The following TBC1D15 variants were observed in gnomAD, a reference collection of about 807,000 sequenced individuals.
The protein encoded by TBC1D15 is GAP for RAB7.
A neutral mutation model predicts 95.4 loss-of-function variants in TBC1D15; 39 were observed. The ratio of observed to expected loss-of-function variants is 0.41; its 90% confidence interval spans 0.32 to 0.53. The LOEUF is 0.53. TBC1D15 is among the 20% of genes least tolerant of loss of function. TBC1D15 has a pLI of 0.29. For synonymous variants in TBC1D15, 258 were observed against 261.3 expected (o/e 0.99, Z 0.12); for missense variants, 733 against 794.3 (o/e 0.92, Z 0.93).
At chr12:71,897,013 T>C (rs1252296508) in intron 9 of TBC1D15, among the ~76,000 whole-genome samples, 1 of 152,144 alleles carries the variant, frequency 6.6e-6, no homozygotes, top group South Asian at 2.1e-4. Context: ...GATAAACATA[T>C]TCCCTTATAT....
At chr12:71,881,810 G>A (rs909903343) in intron 4 of TBC1D15, among the ~76,000 whole-genome samples, 1 of 151,626 alleles carries the variant, frequency 6.6e-6, no homozygotes, top group Admixed American at 6.6e-5. Flanking sequence ...CCCAGCTACT[G>A]GGGAAGCCGA....
intron 9 of TBC1D15, 104 bp downstream of exon 9, chr12:71,896,884 G>T: frequency 1.4e-6 from 1 of 698,820 alleles, no homozygotes. Context: ...ACTGGGGAAT[G>T]GAAAAACAAC....
chr12:71,855,549 T>C (rs1049660798), intron 1 of TBC1D15, among the ~76,000 whole-genome samples: 3 of 151,326 alleles, frequency 2.0e-5, no homozygotes, highest in Non-Finnish European at 4.4e-5. Flanking sequence ...GTGCCTGTAG[T>C]CCCAGCTACT....
Position 71,923,407 on chromosome 12 carries a change from C to T in TBC1D15, c.*203C>T, listed in dbSNP as rs550119968. Reference sequence around the variant, plus strand: ...CTTCTACCAAATAGCCTTTCCTTTTCGATAACATTCCTCAGTATTTTTATA... The same window carrying T: ...CTTCTACCAAATAGCCTTTCCTTTTTGATAACATTCCTCAGTATTTTTATA... On this transcript the variant is annotated 3_prime_UTR_variant, in exon 17 of 17. Transcript: ENST00000485960. The T allele has an allele frequency of 6.1e-5, 30 of 491,516 alleles. No homozygotes were observed. The highest frequency in any genetic ancestry group is 5.3e-4 in the Middle Eastern group (1 of 1,874). 30.4% of individuals were successfully genotyped at this position (491,516 alleles called of 1,614,324 possible). A position where few individuals can be genotyped will look rare whatever the true frequency, so the allele number is the denominator to read the frequency against.
chr12:71,880,775 T>C (rs1894974257), intron 4 of TBC1D15, among the ~76,000 whole-genome samples, 168 bp downstream of exon 4: 1 of 130,992 alleles, frequency 7.6e-6, no homozygotes, highest in Non-Finnish European at 1.5e-5. Context: ...ATCTCTGTTT[T>C]ATTGGTTGTG....
At chr12:71,858,067 T>TTTTC (rs1001330772) in intron 1 of TBC1D15, among the ~76,000 whole-genome samples, 2 of 152,124 alleles carry the variant, frequency 1.3e-5, no homozygotes, top group Non-Finnish European at 2.9e-5. Context: ...ATATGCAACA[T>TTTTC]TTTCTTTCTT....
intron 14 of TBC1D15, 98 bp downstream of exon 14, chr12:71,918,646 A>T: frequency 1.3e-6 from 1 of 745,462 alleles, no homozygotes; most frequent in Non-Finnish European, 2.0e-6. Flanking sequence ...TTACTGAAAT[A>T]TCTAAGGCAA....
At chr12:71,918,386 G>A (rs1904202716) in intron 13 of TBC1D15, 65 bp from the exon 14 acceptor site, 3 of 1,031,068 alleles carry the variant, frequency 2.9e-6, no homozygotes, top group African/African-American at 1.7e-5. Flanking sequence ...TTAGAGAAAA[G>A]TAACTGTATT....
intron 10 of TBC1D15, among the ~76,000 whole-genome samples, chr12:71,901,757 G>A (rs1899440860): frequency 6.6e-6 from 1 of 152,066 alleles, no homozygotes; most frequent in African/African-American, 2.4e-5. Flanking sequence ...AATCAGGCAA[G>A]AGAAAGAAAT....
chr12:71,903,781 A>G (rs1371734300), intron 10 of TBC1D15, among the ~76,000 whole-genome samples: 1 of 152,216 alleles, frequency 6.6e-6, no homozygotes, highest in Non-Finnish European at 1.5e-5. Flanking sequence ...ACATGTTCTC[A>G]CTACAAGTAG....
chr12:71,875,762 A>G (rs1178407596), intron 3 of TBC1D15, among the ~76,000 whole-genome samples: 1 of 151,570 alleles, frequency 6.6e-6, no homozygotes, highest in African/African-American at 2.4e-5. Flanking sequence ...TCTGTTCAAT[A>G]TTTTCTCATA....
intron 5 of TBC1D15, among the ~76,000 whole-genome samples, chr12:71,892,496 T>C (rs188489326): frequency 1.6e-4 from 25 of 152,120 alleles, no homozygotes; most frequent in African/African-American, 5.8e-4. Flanking sequence ...AAAGACTGGA[T>C]AATTTGTCAG....
chr12:71,853,084 A>C (rs328779), intron 1 of TBC1D15, among the ~76,000 whole-genome samples: 4,185 of 152,302 alleles, frequency 0.027, 193 homozygotes, highest in African/African-American at 0.094. Context: ...ATTGGCTCAC[A>C]GTTCTTCAAG....
chr12:71,896,175 G>GTT (rs202051621), intron 8 of TBC1D15, 100 bp downstream of exon 8: 3,352 of 802,896 alleles, frequency 4.2e-3, no homozygotes, highest in Middle Eastern at 5.8e-3. Context: ...TTTGTTGTTG[G>GTT]TTTTTTTTTT....
chr12:71,891,336 C>A (rs1845577254), intron 5 of TBC1D15, among the ~76,000 whole-genome samples: 1 of 152,058 alleles, frequency 6.6e-6, no homozygotes, highest in South Asian at 2.1e-4. Flanking sequence ...TAGTTTTCTT[C>A]AAATTGTTTA....
intron 14 of TBC1D15, 93 bp from the exon 15 acceptor site, chr12:71,920,638 G>A: frequency 1.0e-6 from 1 of 971,998 alleles, no homozygotes; most frequent in Non-Finnish European, 1.6e-6. Context: ...CATCTACTTT[G>A]CATAGAAGTC....
intron 11 of TBC1D15, among the ~76,000 whole-genome samples, chr12:71,908,235 AG>A (rs1250874263): frequency 1.3e-5 from 2 of 152,152 alleles, no homozygotes; most frequent in African/African-American, 4.8e-5. Context: ...AGGGACGCTA[AG>A]GGGTAGAAAA....
intron 1 of TBC1D15, among the ~76,000 whole-genome samples, chr12:71,865,751 G>A (rs552235555): frequency 2.0e-5 from 3 of 152,028 alleles, no homozygotes; most frequent in South Asian, 4.1e-4. Flanking sequence ...TGTTTCTCTC[G>A]GATATGGGGT....
intron 10 of TBC1D15, among the ~76,000 whole-genome samples, chr12:71,904,431 A>G (rs1007972957): frequency 3.9e-5 from 6 of 152,228 alleles, no homozygotes; most frequent in African/African-American, 1.2e-4. Flanking sequence ...ATGAGCTAGC[A>G]GAGGGAAAAG....
Sources: gnomAD v4.1 joint callset for allele counts (sites outside exome capture counted in the v4.1 genomes callset) on GRCh38, gnomAD v4.1.1 for gene constraint, MANE v1.5 for transcripts, NCBI Gene and HGNC (gene_info 2026-07-23, HGNC 2026-07-21) for gene names.